The following RANBP3 variants were observed in gnomAD, a reference collection of about 807,000 sequenced individuals.
RANBP3 encodes the protein ran-binding protein 3.
RANBP3 carries 14 observed loss-of-function variants against 77.3 expected under a neutral mutation model. The ratio of observed to expected loss-of-function variants is 0.18; its 90% confidence interval spans 0.12 to 0.28. The LOEUF (loss-of-function observed/expected upper bound fraction) is 0.28, where lower values mean the gene tolerates loss of function less well. RANBP3 is among the 10% of genes least tolerant of loss of function. The pLI is 1.00. For missense variants in RANBP3, 586 were observed against 752.3 expected (o/e 0.78, Z 2.59); for synonymous variants, 315 against 312.4 (o/e 1.01, Z -0.09).
At chr19:5,918,012 A>T (rs1370967216) in intron 15 of RANBP3, 32 bp from the exon 16 acceptor site, 1 of 1,548,098 alleles carries the variant, frequency 6.5e-7, no homozygotes. Context: ...AGACCCCCGG[A>T]CCCCAGTCCT....
At chr19:5,974,810 TGCAGGGCGTGGCGACTGA>T (rs1197658600) in intron 1 of RANBP3, among the ~76,000 whole-genome samples, 6 of 152,262 alleles carry the variant, frequency 3.9e-5, no homozygotes, top group Admixed American at 2.6e-4. Context: ...AATCGGAATC[TGCAGGGCGTGGCGACTGA>T]GCATCTGCGG....
intron 3 of RANBP3, among the ~76,000 whole-genome samples, chr19:5,949,630 A>C (rs572405052): frequency 6.6e-6 from 1 of 152,302 alleles, no homozygotes; most frequent in African/African-American, 2.4e-5. Flanking sequence ...CGGTGCCCAC[A>C]AGCTCATCCC....
At chr19:5,965,707 A>G (rs375922934) in intron 1 of RANBP3, 9 of 152,366 alleles carry the variant, frequency 5.9e-5, no homozygotes, top group African/African-American at 2.2e-4. Context: ...CTCCAGGTGA[A>G]GAAGGGTTGT....
chr19:5,923,096 C>G lies in RANBP3; in HGVS notation c.1209+98G>C. ...AGTGGCCCCTCCGTCATCTCAGGGG[C>G]AGGCCTGTGTGCTCAGAGGATGTGG... On this transcript the variant is annotated intron_variant, in intron 13 of 16. Coordinates refer to ENST00000340578, the MANE Select transcript of RANBP3 (RefSeq NM_007322.3). 4 of 954,924 alleles carry G rather than the reference C, an allele frequency of 4.2e-6. No homozygotes were observed. In the South Asian group the frequency reaches 4.4e-5, roughly 11 times the overall value. 59.2% of individuals were successfully genotyped at this position (954,924 alleles called of 1,614,324 possible).
chr19:5,940,048 A>G (rs531260443), intron 5 of RANBP3, among the ~76,000 whole-genome samples: 1 of 152,384 alleles, frequency 6.6e-6, no homozygotes, highest in East Asian at 1.9e-4. Flanking sequence ...ATGAAGTGGA[A>G]TTCGTAGGGG....
chr19:5,974,581 G>A (rs1030349031), intron 1 of RANBP3: 1 of 152,170 alleles, frequency 6.6e-6, no homozygotes, highest in Non-Finnish European at 1.5e-5. Context: ...CCAGACCACA[G>A]GAAGGGCTGT....
In RANBP3 at chr19:5,952,584, C is replaced by T. The variant is rs557556889; in HGVS notation, c.79-988G>A. On this transcript the variant is annotated intron_variant, in intron 2 of 16. Transcript: ENST00000340578. This position sits in a 1 kb window ranked among gnomAD's most constrained non-coding sequence, Gnocchi z 4.1. ...CAACGACATGGAGCCATTTCTCGCA[C>T]TCGGTGACCTACATGACTACAGGGC... Among the ~76,000 whole-genome samples, 4 of 152,228 alleles carry T rather than the reference C, an allele frequency of 2.6e-5. No homozygotes were observed. The highest frequency in any genetic ancestry group is 5.9e-5 in the Non-Finnish European group (4 of 68,048).
At chr19:5,934,971 G>A (rs1319573614) in intron 5 of RANBP3, among the ~76,000 whole-genome samples, 1 of 152,232 alleles carries the variant, frequency 6.6e-6, no homozygotes. Context: ...GGGCTCAAGG[G>A]AGGGGGTTGG....
At chr19:5,972,855 A>C (rs1263687540) in intron 1 of RANBP3, among the ~76,000 whole-genome samples, 1 of 152,200 alleles carries the variant, frequency 6.6e-6, no homozygotes, top group Non-Finnish European at 1.5e-5. Flanking sequence ...CACCAGACCC[A>C]GGTTGACCCT....
At chr19:5,971,456 G>A (rs2058529310) in intron 1 of RANBP3, among the ~76,000 whole-genome samples, 1 of 151,974 alleles carries the variant, frequency 6.6e-6, no homozygotes, top group Non-Finnish European at 1.5e-5. Flanking sequence ...TTGCCACTGT[G>A]CCCGGCCTGA....
Position 5,921,844 on chromosome 19 carries a change from C to T in RANBP3, c.1210-523G>A, listed in dbSNP as rs533865442. Among the ~76,000 whole-genome samples, 7 of 152,346 alleles carry T rather than the reference C, an allele frequency of 4.6e-5. No individual in the cohort carries two copies. Among genetic ancestry groups the T allele is most frequent in the African/African-American group, 9.6e-5 (4 of 41,576 alleles). ...GAGGAATGGAGTGACACACATGGTC[C>T]GCCCCTACAGCGCATCTCACTCAGT... On this transcript the variant is annotated intron_variant, in intron 13 of 16. Coordinates refer to ENST00000340578, the MANE Select transcript of RANBP3 (RefSeq NM_007322.3). This position sits in a 1 kb window ranked among gnomAD's most constrained non-coding sequence, Gnocchi z 5.3.
At chr19:5,971,565 G>GA (rs1172028769) in intron 1 of RANBP3, among the ~76,000 whole-genome samples, 3 of 152,136 alleles carry the variant, frequency 2.0e-5, no homozygotes, top group Non-Finnish European at 2.9e-5. Context: ...GAATAAGAGT[G>GA]AAAAAAGAGC....
intron 2 of RANBP3, among the ~76,000 whole-genome samples, chr19:5,953,566 A>G (rs1355730483): frequency 1.3e-5 from 2 of 152,180 alleles, no homozygotes; most frequent in East Asian, 3.8e-4. Flanking sequence ...AAGCCTCCCC[A>G]CTTCAGATTA....
chr19:5,974,873 A>AGC (rs1179496060), intron 1 of RANBP3, among the ~76,000 whole-genome samples: 1 of 152,198 alleles, frequency 6.6e-6, no homozygotes, highest in Non-Finnish European at 1.5e-5. Context: ...ACTGATGCCC[A>AGC]GCCGGGTGGA....
In RANBP3 at chr19:5,942,577, A is replaced by AC. The variant is rs1230478848; in HGVS notation, c.283-743dup. Among the ~76,000 whole-genome samples, 16 of 152,146 alleles carry AC rather than the reference A, an allele frequency of 1.1e-4. No individual in the cohort carries two copies. The East Asian group carries it at 3.1e-3, about 29-fold the overall frequency. On this transcript the variant is annotated intron_variant, in intron 3 of 16. Transcript: ENST00000340578. ...AAAAAGTAGCTGGGCGTGGTGGTGC[A>AC]CGCCTGTAATCTCAGCTACAGGCTG...
chr19:5,921,078 T>C lies in RANBP3; in HGVS notation c.1330+123A>G. On this transcript the variant is annotated intron_variant, in intron 14 of 16. Transcript: ENST00000340578. This position sits in a 1 kb window ranked among gnomAD's most constrained non-coding sequence, Gnocchi z 5.3. ...GGGGCGGCTCTCATGGGAGACCGAC[T>C]CTGTGCCTTGACTCTCACAAGGGTA... is the stretch of plus-strand genomic sequence containing the variant. 7.6e-7 allele frequency: 1 copy of C among 1,307,920 alleles called. No individual in the cohort carries two copies. The highest frequency in any genetic ancestry group is 1.0e-6 in the Non-Finnish European group (1 of 972,382). 81.0% of individuals were successfully genotyped at this position (1,307,920 alleles called of 1,614,324 possible).
At position 5,923,184 on chromosome 19, in the gene RANBP3, G is replaced by A. The variant is rs376054530; in HGVS notation, c.1209+10C>T. On this transcript the variant is annotated intron_variant, in intron 13 of 16. Transcript: ENST00000340578. ...GACCCAGGGCCACCGAGGAGGGGCC[G>A]GCCCCTCACCTGTAACACATTGCTC... is the stretch of plus-strand genomic sequence containing the variant. The A allele has an allele frequency of 6.7e-5, 108 of 1,612,400 alleles. No individual in the cohort carries two copies. The highest frequency in any genetic ancestry group is 2.2e-4 in the South Asian group (20 of 91,014).
At chr19:5,964,256 T>G (rs1030614671) in intron 1 of RANBP3, among the ~76,000 whole-genome samples, 7 of 152,188 alleles carry the variant, frequency 4.6e-5, no homozygotes, top group African/African-American at 1.7e-4. Context: ...TGGCCATCTC[T>G]GCTCTCCTTT....
At position 5,958,386 on chromosome 19, in the gene RANBP3, C is replaced by CA. The variant is rs1265815083; in HGVS notation, c.23-414dup. ...TTTTTAAAGTTTACAGGCCAGAGGG[C>CA]AAAAAAAAGGGCCACCGCTCGCGCT... On this transcript the variant is annotated intron_variant, in intron 1 of 16. Transcript: ENST00000340578. This position sits in a 1 kb window ranked among gnomAD's most constrained non-coding sequence, Gnocchi z 4.4. Among the ~76,000 whole-genome samples the CA allele has an allele frequency of 1.6e-4, 24 of 151,410 alleles. No individual in the cohort carries two copies. The highest frequency in any genetic ancestry group is 1.4e-3 in the East Asian group (7 of 5,172).
Sources: allele counts gnomAD v4.1 joint callset (sites outside exome capture counted in the v4.1 genomes callset), GRCh38; gene constraint gnomAD v4.1.1; non-coding constraint Gnocchi (gnomAD v3.1); transcripts MANE v1.5; gene names NCBI Gene and HGNC (gene_info 2026-07-23, HGNC 2026-07-21).